Variants in NDUFAF7 observed in about 807,000 individuals in gnomAD.
The protein encoded by NDUFAF7 is NADH:ubiquinone oxidoreductase complex assembly factor 7, also known as protein arginine methyltransferase NDUFAF7, mitochondrial.
NDUFAF7 carries 48 observed loss-of-function variants against 47.2 expected under a neutral mutation model. That is an observed-to-expected ratio of 1.02 (90% CI 0.81 to 1.29). The LOEUF (loss-of-function observed/expected upper bound fraction) is 1.29. Ranked by LOEUF, NDUFAF7 falls within the 50% of genes most tolerant of loss-of-function variation. The pLI, the probability that NDUFAF7 is intolerant of heterozygous loss-of-function variation, is 0.00. For missense variants in NDUFAF7, 635 were observed against 537.6 expected (o/e 1.18, Z -1.79); for synonymous variants, 217 against 190.0 (o/e 1.14, Z -1.17).
At chr2:37,269,487 TAAC>T in the NDUFAF7 span, 11 of 736,716 alleles carry the variant, frequency 1.5e-5, no homozygotes, top group South Asian at 4.7e-5. Context: ...AGCTGAAAGA[TAAC>T]AAGTCAGCCT....
chr2:37,256,628 A>T (rs369504491), downstream of NDUFAF7: 1,068 of 1,201,646 alleles, frequency 8.9e-4, 7 homozygotes, highest in African/African-American at 7.8e-3. Context: ...CATAGCCAAA[A>T]TTTTTTTTTT....
At chr2:37,237,178 C>T (rs1665882429) in intron 3 of NDUFAF7, among the ~76,000 whole-genome samples, 1 of 152,212 alleles carries the variant, frequency 6.6e-6, no homozygotes, top group African/African-American at 2.4e-5. Flanking sequence ...CCATGTTGGT[C>T]AGGCTGGTCT....
chr2:37,245,935 T>G, intron 7 of NDUFAF7, 117 bp from the exon 8 acceptor site: 1 of 1,186,644 alleles, frequency 8.4e-7, no homozygotes, highest in Non-Finnish European at 1.2e-6. Context: ...ATACTCATAT[T>G]AAGAATTTAT....
At chr2:37,250,192 G>T (rs1380722228), downstream of NDUFAF7, among the ~76,000 whole-genome samples, 2 of 151,928 alleles carry the variant, frequency 1.3e-5, no homozygotes, top group Non-Finnish European at 1.5e-5. Context: ...ATGCTGCCCA[G>T]CCTCGGGCCA....
At chr2:37,254,192 ATTT>A, downstream of NDUFAF7, 1 of 1,554,956 alleles carries the variant, frequency 6.4e-7, no homozygotes, top group Admixed American at 1.7e-5. Context: ...GAGAGATTAC[ATTT>A]TTTTTTACCT....
chr2:37,267,292 A>C, the NDUFAF7 span: 14 of 517,142 alleles, frequency 2.7e-5, no homozygotes, highest in Non-Finnish European at 4.3e-5. Context: ...CCATAAAGCA[A>C]GATATTGGCA....
chr2:37,247,347 T>G (rs531478666), intron 8 of NDUFAF7, 109 bp from the exon 9 acceptor site: 125 of 1,323,258 alleles, frequency 9.4e-5, no homozygotes, highest in South Asian at 7.2e-4. Context: ...GAGAGCTCTA[T>G]TCCGTCACCT....
chr2:37,246,943 C>G (rs1666985005), intron 8 of NDUFAF7, among the ~76,000 whole-genome samples: 1 of 151,978 alleles, frequency 6.6e-6, no homozygotes, highest in Admixed American at 6.6e-5. Flanking sequence ...TTATTTGTTA[C>G]ATGGGTATAT....
the NDUFAF7 span, among the ~76,000 whole-genome samples, chr2:37,265,694 A>T: frequency 1.3e-5 from 2 of 152,218 alleles, no homozygotes; most frequent in African/African-American, 4.8e-5. Flanking sequence ...GACATAAACA[A>T]TTTGAAGAGA....
intron 4 of NDUFAF7, among the ~76,000 whole-genome samples, chr2:37,240,616 A>G (rs1040911539): frequency 6.6e-6 from 1 of 152,160 alleles, no homozygotes; most frequent in Non-Finnish European, 1.5e-5. Context: ...TTTTTCAGCA[A>G]GGTCATTTGA....
the NDUFAF7 span, among the ~76,000 whole-genome samples, chr2:37,262,902 C>CT: frequency 6.6e-6 from 1 of 151,460 alleles, no homozygotes; most frequent in African/African-American, 2.4e-5. Context: ...CCTTCCCCCC[C>CT]CCGTATTTGT....
intron 4 of NDUFAF7, among the ~76,000 whole-genome samples, chr2:37,238,895 G>A (rs1666068551): frequency 7.6e-6 from 1 of 132,090 alleles, no homozygotes; most frequent in African/African-American, 2.8e-5. Context: ...AATACAAACG[G>A]CTAAAAAAGC....
chr2:37,268,366 G>A, the NDUFAF7 span: 7 of 470,544 alleles, frequency 1.5e-5, no homozygotes, highest in Non-Finnish European at 3.1e-5. Context: ...TCTTAAAACT[G>A]ACAAATCTGA....
In NDUFAF7 at chr2:37,248,369, T is replaced by G. The variant is rs760463975; in HGVS notation, c.*19T>G. 1 of 1,602,658 alleles carries G rather than the reference T, an allele frequency of 6.2e-7. No homozygotes were observed. Among genetic ancestry groups the G allele is most frequent in the Non-Finnish European group, 8.5e-7 (1 of 1,169,656 alleles). On this transcript the variant is annotated 3_prime_UTR_variant, in exon 10 of 10. Transcript: ENST00000002125. ...GCAGTGATATTTCAGCTTGGACATT[T>G]TACCCTTCAGTCGGCCCAAGAAATC... is the stretch of plus-strand genomic sequence containing the variant.
In NDUFAF7 at chr2:37,231,659, T is replaced by C. The variant is rs748373265; in HGVS notation, c.-47T>C. 4.3e-6 allele frequency: 7 copies of C among 1,613,930 alleles called. No individual in the cohort carries two copies. The highest frequency in any genetic ancestry group is 2.2e-5 in the South Asian group (2 of 91,054). On this transcript the variant is annotated 5_prime_UTR_variant, in exon 1 of 10. Transcript: ENST00000002125. Reference sequence around the variant, plus strand: ...GGGGCGTGTCTTCTCCCGGAAATGGTCTAAGCCCCAGCTCCTGGCGGAGCG... The same window carrying C: ...GGGGCGTGTCTTCTCCCGGAAATGGCCTAAGCCCCAGCTCCTGGCGGAGCG...
chr2:37,267,355 A>G, the NDUFAF7 span: 1 of 1,094,202 alleles, frequency 9.1e-7, no homozygotes, highest in Non-Finnish European at 1.3e-6. Context: ...TTAAAAAAAA[A>G]AAAAAAAGAG....
At position 37,239,930 on chromosome 2, in the gene NDUFAF7, G is replaced by T. The variant is rs539395927; in HGVS notation, c.409-1648G>T. On this transcript the variant is annotated intron_variant, in intron 4 of 9. Coordinates refer to ENST00000002125, the MANE Select transcript of NDUFAF7 (RefSeq NM_144736.5). ...GAGTCCACAGGGGCTTTGGAGATAA[G>T]GTCATGTCCCATTTATGGTAGATAT... Among the ~76,000 whole-genome samples, 13 of 152,262 alleles carry T rather than the reference G, an allele frequency of 8.5e-5. 1 individual carries two copies. In the South Asian group the frequency reaches 2.7e-3, roughly 32 times the overall value.
chr2:37,267,362 A>AAT, the NDUFAF7 span: 4 of 1,063,846 alleles, frequency 3.8e-6, no homozygotes, highest in Non-Finnish European at 5.4e-6. Context: ...AAAAAAAAAA[A>AAT]GAGAAGCAGT....
At chr2:37,243,726 A>G in intron 6 of NDUFAF7, 137 bp from the exon 7 acceptor site, 1 of 688,642 alleles carries the variant, frequency 1.5e-6, no homozygotes, top group Non-Finnish European at 2.6e-6. Context: ...GAAGTAATGA[A>G]TTTAAGTAAT....
Sources: gnomAD v4.1 joint callset for allele counts (sites outside exome capture counted in the v4.1 genomes callset) on GRCh38, gnomAD v4.1.1 for gene constraint, MANE v1.5 for transcripts, NCBI Gene and HGNC (gene_info 2026-07-23, HGNC 2026-07-21) for gene names.